The following LINGO2 variants were observed in gnomAD, a reference collection of about 807,000 sequenced individuals.
LINGO2 encodes leucine rich repeat and Ig domain containing 2, also known as leucine-rich repeat and immunoglobulin-like domain-containing nogo receptor-interacting protein 2.
Under a neutral mutation model 30.6 loss-of-function variants are expected in LINGO2, and 14 were observed. That is an observed-to-expected ratio of 0.46 (90% CI 0.30 to 0.72). The LOEUF (loss-of-function observed/expected upper bound fraction) is 0.72. LINGO2 is among the 30% of genes least tolerant of loss of function. The probability of loss-of-function intolerance (pLI) is 0.07; values close to 1 mark genes in which losing one functional copy is unlikely to be tolerated. For synonymous variants in LINGO2, 317 were observed against 288.5 expected (o/e 1.10, Z -1.00); for missense variants, 729 against 751.7 (o/e 0.97, Z 0.35).
chr9:28,460,953 T>A (rs570525178), intron 2 of LINGO2, among the ~76,000 whole-genome samples: 3 of 152,272 alleles, frequency 2.0e-5, no homozygotes, highest in South Asian at 2.1e-4. Context: ...AACTTTTTTT[T>A]AAAACCCTAC....
At chr9:28,072,286 T>C (rs1469544054) in intron 4 of LINGO2, among the ~76,000 whole-genome samples, 1 of 152,184 alleles carries the variant, frequency 6.6e-6, no homozygotes, top group Non-Finnish European at 1.5e-5. Flanking sequence ...CTTAAGAAAA[T>C]GCAGCTGCAA....
At chr9:29,092,353 A>G in the LINGO2 span, among the ~76,000 whole-genome samples, 2 of 151,948 alleles carry the variant, frequency 1.3e-5, no homozygotes, top group African/African-American at 4.8e-5. Context: ...AGGCCATCGT[A>G]TCCCCAAAAA....
the LINGO2 span, among the ~76,000 whole-genome samples, chr9:29,012,187 G>A: frequency 3.3e-5 from 5 of 151,992 alleles, no homozygotes; most frequent in Admixed American, 6.6e-5. Context: ...CTGAAACCAC[G>A]TCTCTACTAA....
At chr9:28,506,487 TACACACACACACACAGAC>T (rs1216095281) in intron 1 of LINGO2, among the ~76,000 whole-genome samples, 10 of 40,430 alleles carry the variant, frequency 2.5e-4, no homozygotes, top group East Asian at 5.2e-4. Context: ...CACATACACA[TACACACACACACACAGAC>T]ATATATATAT....
chr9:28,491,861 T>C (rs138315770), intron 1 of LINGO2, among the ~76,000 whole-genome samples: 131 of 152,312 alleles, frequency 8.6e-4, no homozygotes, highest in African/African-American at 3.0e-3. Context: ...ATCTTATGAG[T>C]AAAAATACTT....
chr9:28,983,888 A>G, the LINGO2 span, among the ~76,000 whole-genome samples: 2 of 151,992 alleles, frequency 1.3e-5, no homozygotes, highest in Non-Finnish European at 2.9e-5. Context: ...AGCACCATAC[A>G]CTGATATACC....
At chr9:28,880,004 T>C in the LINGO2 span, among the ~76,000 whole-genome samples, 3 of 152,198 alleles carry the variant, frequency 2.0e-5, no homozygotes, top group Non-Finnish European at 4.4e-5. Flanking sequence ...TTAAATTATC[T>C]CTAAGTTTCC....
the LINGO2 span, among the ~76,000 whole-genome samples, chr9:29,134,964 GT>G: frequency 0.041 from 6,233 of 151,450 alleles, 299 homozygotes; most frequent in African/African-American, 0.12. Flanking sequence ...CATCAACAGA[GT>G]TTTTTTTATT....
the LINGO2 span, among the ~76,000 whole-genome samples, chr9:28,853,863 A>G: frequency 2.0e-5 from 3 of 151,910 alleles, no homozygotes; most frequent in African/African-American, 4.8e-5. Flanking sequence ...TCAAGGTGAG[A>G]TTTGGGAGGT....
At chr9:28,508,154 T>C (rs1195687683) in intron 1 of LINGO2, among the ~76,000 whole-genome samples, 1 of 152,098 alleles carries the variant, frequency 6.6e-6, no homozygotes, top group Non-Finnish European at 1.5e-5. Flanking sequence ...TACATGAAAT[T>C]ATCAATACAC....
intron 5 of LINGO2, among the ~76,000 whole-genome samples, chr9:28,007,750 C>T (rs1355903658): frequency 1.3e-5 from 2 of 152,138 alleles, no homozygotes; most frequent in African/African-American, 4.8e-5. Flanking sequence ...TCATAACAAT[C>T]ATCTGACGGT....
At chr9:28,648,099 C>G (rs1407219353) in intron 1 of LINGO2, among the ~76,000 whole-genome samples, 13 of 151,890 alleles carry the variant, frequency 8.6e-5, no homozygotes. Flanking sequence ...ATAATGATCC[C>G]TGCAAAATTC....
chr9:29,210,586 A>C, the LINGO2 span, among the ~76,000 whole-genome samples: 1 of 152,286 alleles, frequency 6.6e-6, no homozygotes, highest in East Asian at 1.9e-4. Context: ...ATCATCCACT[A>C]TAATACATGA....
chr9:29,052,807 C>T, the LINGO2 span, among the ~76,000 whole-genome samples: 2 of 152,110 alleles, frequency 1.3e-5, no homozygotes, highest in African/African-American at 4.8e-5. Flanking sequence ...TCAATATTTA[C>T]ATTAGCTGGT....
chr9:29,167,997 T>A, the LINGO2 span, among the ~76,000 whole-genome samples: 6 of 152,128 alleles, frequency 3.9e-5, no homozygotes, highest in Non-Finnish European at 8.8e-5. Flanking sequence ...GTAATGATGA[T>A]TCATCTATAT....
chr9:28,222,425 A>T (rs1398200090), intron 4 of LINGO2, among the ~76,000 whole-genome samples: 1 of 152,034 alleles, frequency 6.6e-6, no homozygotes, highest in Admixed American at 6.6e-5. Context: ...CTAACAAATA[A>T]CTCTTTTTTA....
chr9:28,063,597 A>G (rs894028000), intron 4 of LINGO2, among the ~76,000 whole-genome samples: 2 of 152,088 alleles, frequency 1.3e-5, no homozygotes, highest in Non-Finnish European at 2.9e-5. Flanking sequence ...AAATATTCCC[A>G]AATCATATAA....
intron 5 of LINGO2, among the ~76,000 whole-genome samples, chr9:27,976,207 C>T (rs939690559): frequency 1.3e-5 from 2 of 152,098 alleles, no homozygotes; most frequent in East Asian, 3.9e-4. Flanking sequence ...TTACTAAGTA[C>T]CACATGATTC....
the LINGO2 span, among the ~76,000 whole-genome samples, chr9:28,694,535 A>G: frequency 1.3e-5 from 2 of 152,008 alleles, no homozygotes; most frequent in Non-Finnish European, 2.9e-5. Flanking sequence ...CTTACTTACA[A>G]CCTCAAAAAT....
Sources: allele counts gnomAD v4.1 joint callset (sites outside exome capture counted in the v4.1 genomes callset), GRCh38; gene constraint gnomAD v4.1.1; transcripts MANE v1.5; gene names NCBI Gene and HGNC (gene_info 2026-07-23, HGNC 2026-07-21).